The following DPP6 variants were observed in gnomAD, a reference collection of about 807,000 sequenced individuals.
The protein encoded by DPP6 is dipeptidyl peptidase like 6.
In DPP6, 69 loss-of-function variants were observed where a neutral mutation model predicts 122.6. That is an observed-to-expected ratio of 0.56 (90% confidence interval 0.46 to 0.69). The LOEUF (loss-of-function observed/expected upper bound fraction) is 0.69. Among genes scored for constraint, DPP6 ranks in the 30% least tolerant of loss-of-function variants. DPP6 has a pLI of 0.00. For synonymous variants in DPP6, 418 were observed against 433.1 expected (o/e 0.97, Z 0.43); for missense variants, 928 against 1,116.9 (o/e 0.83, Z 2.41).
chr7:153,951,502 A>G (rs1304510536), intron 1 of DPP6, among the ~76,000 whole-genome samples: 3 of 152,058 alleles, frequency 2.0e-5, no homozygotes, highest in Non-Finnish European at 4.4e-5. Flanking sequence ...ACCCTCCTCA[A>G]ATGGAGTGAC....
chr7:153,964,855 TCCCTTTCCTTTC>T (rs1357392322), intron 1 of DPP6, among the ~76,000 whole-genome samples: 14 of 141,830 alleles, frequency 9.9e-5, no homozygotes. Context: ...CTTTTCCTTT[TCCCTTTCCTTTC>T]CTTTCCTTTT....
At chr7:154,690,246 T>A (rs1475439110) in intron 7 of DPP6, among the ~76,000 whole-genome samples, 2 of 152,172 alleles carry the variant, frequency 1.3e-5, no homozygotes, top group Non-Finnish European at 2.9e-5. Context: ...TCACTCAGTT[T>A]GAGAAGCATC....
chr7:154,817,988 C>T (rs1431697338), intron 16 of DPP6, among the ~76,000 whole-genome samples: 1 of 152,144 alleles, frequency 6.6e-6, no homozygotes, highest in African/African-American at 2.4e-5. Context: ...GAATGAACAC[C>T]TCCACATGGT....
chr7:154,773,715 C>T (rs148129288), intron 10 of DPP6, among the ~76,000 whole-genome samples: 8 of 152,296 alleles, frequency 5.3e-5, no homozygotes, highest in African/African-American at 1.9e-4. Flanking sequence ...CATTCTGAGG[C>T]TCAGCAAAGA....
At chr7:154,349,562 G>T (rs993487264) in intron 1 of DPP6, among the ~76,000 whole-genome samples, 1 of 152,126 alleles carries the variant, frequency 6.6e-6, no homozygotes, top group Non-Finnish European at 1.5e-5. Flanking sequence ...CCTTTAATAC[G>T]GCTGGGTATG....
intron 1 of DPP6, among the ~76,000 whole-genome samples, chr7:154,075,881 C>A (rs1365710259): frequency 6.6e-6 from 1 of 150,976 alleles, no homozygotes; most frequent in Non-Finnish European, 1.5e-5. Context: ...GTACCAGAAC[C>A]TACACCTCCT....
At chr7:154,777,863 G>A (rs1012537305) in intron 10 of DPP6, among the ~76,000 whole-genome samples, 2 of 152,038 alleles carry the variant, frequency 1.3e-5, no homozygotes, top group African/African-American at 4.8e-5. Context: ...CCGCTTCCAC[G>A]GCTCACGAAA....
chr7:154,647,975 G>T (rs1471024231), intron 6 of DPP6, among the ~76,000 whole-genome samples: 1 of 152,012 alleles, frequency 6.6e-6, no homozygotes. Context: ...GCCTGGCCGG[G>T]CACAGTGGCT....
chr7:154,294,949 G>A (rs529507874), intron 1 of DPP6, among the ~76,000 whole-genome samples: 90 of 152,308 alleles, frequency 5.9e-4, no homozygotes, highest in African/African-American at 2.1e-3. Context: ...TCACGCTGCC[G>A]TCGCCAAGGT....
At chr7:154,089,286 C>T (rs1804643235) in intron 1 of DPP6, among the ~76,000 whole-genome samples, 1 of 149,014 alleles carries the variant, frequency 6.7e-6, no homozygotes, top group Admixed American at 6.7e-5. Context: ...TCGTTTAAGA[C>T]GTTCAAATAG....
intron 8 of DPP6, among the ~76,000 whole-genome samples, chr7:154,741,831 T>A (rs1842833694): frequency 1.3e-5 from 2 of 152,150 alleles, no homozygotes; most frequent in Admixed American, 1.3e-4. Context: ...CTTCTCTCCA[T>A]CCAGAAAGGT....
chr7:154,812,436 T>C (rs191842802), intron 16 of DPP6, among the ~76,000 whole-genome samples: 1 of 152,310 alleles, frequency 6.6e-6, no homozygotes, highest in East Asian at 1.9e-4. Context: ...AACAGAAAAT[T>C]ATTTCTCACA....
intron 1 of DPP6, among the ~76,000 whole-genome samples, chr7:154,223,347 T>C (rs1270927599): frequency 1.3e-5 from 2 of 149,398 alleles, no homozygotes; most frequent in Non-Finnish European, 2.9e-5. Context: ...TAAGCATCCA[T>C]TGAGTGCTAG....
At chr7:153,949,555 C>T (rs1585076570) in intron 1 of DPP6, among the ~76,000 whole-genome samples, 4 of 152,124 alleles carry the variant, frequency 2.6e-5, no homozygotes, top group Non-Finnish European at 5.9e-5. Flanking sequence ...GTAGGGTAGA[C>T]GTTCAAAGGG....
intron 1 of DPP6, among the ~76,000 whole-genome samples, chr7:154,224,113 G>A (rs1585672249): frequency 6.7e-6 from 1 of 148,740 alleles, no homozygotes; most frequent in African/African-American, 2.6e-5. Context: ...CATTCCCTGG[G>A]AGGACACTGT....
chr7:154,687,274 T>C (rs1221209870), intron 7 of DPP6, among the ~76,000 whole-genome samples: 3 of 152,260 alleles, frequency 2.0e-5, no homozygotes, highest in Admixed American at 6.5e-5. Flanking sequence ...TTTTCTGTCA[T>C]AGTCCATTAT....
intron 1 of DPP6, among the ~76,000 whole-genome samples, chr7:154,007,040 A>G (rs886983642): frequency 1.3e-5 from 2 of 152,234 alleles, no homozygotes; most frequent in African/African-American, 4.8e-5. Flanking sequence ...GAGCCTGGTC[A>G]TGCTATGGGT....
intron 1 of DPP6, among the ~76,000 whole-genome samples, chr7:154,101,103 T>C (rs1394993827): frequency 1.5e-5 from 2 of 135,982 alleles, no homozygotes; most frequent in Non-Finnish European, 3.3e-5. Context: ...AACTGACCAG[T>C]TGGACACTCA....
chr7:153,936,841 C>G (rs988142882), intron 1 of DPP6, among the ~76,000 whole-genome samples: 3 of 151,772 alleles, frequency 2.0e-5, no homozygotes, highest in African/African-American at 7.3e-5. Context: ...GAGGAAGTGA[C>G]GCGTGACCCT....
Sources: allele counts gnomAD v4.1 joint callset (sites outside exome capture counted in the v4.1 genomes callset), GRCh38; gene constraint gnomAD v4.1.1; transcripts MANE v1.5; gene names NCBI Gene and HGNC (gene_info 2026-07-23, HGNC 2026-07-21).